Variants in VCAN observed in about 807,000 individuals in gnomAD.
VCAN encodes versican core protein.
Under a neutral mutation model 245.5 loss-of-function variants are expected in VCAN, and 44 were observed. The ratio of observed to expected loss-of-function variants is 0.18; its 90% CI spans 0.14 to 0.23. The LOEUF (loss-of-function observed/expected upper bound fraction) is 0.23. VCAN is among the 10% of genes least tolerant of loss of function. The pLI is 1.00. For missense variants in VCAN, 3,793 were observed against 4,057.9 expected (o/e 0.93, Z 1.77); for synonymous variants, 1,413 against 1,437.0 (o/e 0.98, Z 0.38).
At chr5:83,500,091 A>G (rs899914603) in intron 5 of VCAN, among the ~76,000 whole-genome samples, 2 of 152,178 alleles carry the variant, frequency 1.3e-5, no homozygotes, top group Non-Finnish European at 2.9e-5. Context: ...TACAGTATGT[A>G]ATCTACAGAA....
intron 5 of VCAN, among the ~76,000 whole-genome samples, chr5:83,505,041 T>A (rs964247019): frequency 6.6e-5 from 10 of 152,134 alleles, no homozygotes; most frequent in African/African-American, 2.2e-4. Flanking sequence ...CATGATTCCA[T>A]TACCTCCCCC....
rs772576325 is a variant in VCAN, at chr5:83,521,988, G to A, written c.3682G>A (p.Ala1228Thr). Reference protein sequence around the residue: ...HTTSAFKPSSAITKKPPLIDR... With the variant: ...HTTSAFKPSSTITKKPPLIDR... ...AACTTCAGCATTCAAGCCATCTTCC[G>A]CGATCACTAAGAAACCACCTCTCAT... Residue 1228 changes from alanine (A) to threonine (T), a missense_variant, in exon 7 of 15, where the codon GCG becomes ACG. Ala to Thr is a moderately conservative substitution (Grantham distance 58). Transcript: ENST00000265077. 38 of 1,613,976 alleles carry A rather than the reference G, an allele frequency of 2.4e-5. No individual in the cohort carries two copies. The highest frequency in any genetic ancestry group is 1.1e-4 in the South Asian group (10 of 91,078).
At chr5:83,485,260 A>G (rs1732020482) in intron 2 of VCAN, among the ~76,000 whole-genome samples, 1 of 152,128 alleles carries the variant, frequency 6.6e-6, no homozygotes, top group African/African-American at 2.4e-5. Flanking sequence ...ATCTACATGG[A>G]ACACTGTAGG....
intron 5 of VCAN, among the ~76,000 whole-genome samples, chr5:83,509,852 T>C (rs998039241): frequency 6.6e-6 from 1 of 152,224 alleles, no homozygotes; most frequent in Admixed American, 6.5e-5. Context: ...TATTGTGAGA[T>C]AAAATGCCTG....
chr5:83,484,229 T>C (rs536879492), intron 2 of VCAN, among the ~76,000 whole-genome samples: 39 of 152,330 alleles, frequency 2.6e-4, no homozygotes, highest in Non-Finnish European at 5.0e-4. Flanking sequence ...CTCACACTTA[T>C]ATTATGCATC....
chr5:83,494,300 G>A (rs903058016), intron 5 of VCAN, among the ~76,000 whole-genome samples: 2 of 152,158 alleles, frequency 1.3e-5, no homozygotes, highest in Non-Finnish European at 2.9e-5. Context: ...GTGAATCCAA[G>A]TACTGATAAA....
In VCAN at chr5:83,539,572, T is replaced by C; in HGVS notation, c.6569T>C (p.Leu2190Ser). The C allele has an allele frequency of 6.2e-7, 1 of 1,614,102 alleles. No homozygotes were observed. The highest frequency in any genetic ancestry group is 1.3e-5 in the African/African-American group (1 of 75,054). Residue 2190 changes from leucine (L) to serine (S), a missense_variant, in exon 8 of 15, where the codon TTG (leucine) becomes TCG (serine). Physicochemically the swap from Leu to Ser is moderately radical, Grantham distance 145. Around this residue, in one of 5 missense-constraint regions of VCAN, gnomAD observed 3,182 missense variants for 3,250.3 expected, o/e 0.98. Coordinates refer to ENST00000265077, the MANE Select transcript of VCAN (RefSeq NM_004385.5). ...ACTCCAGATCCAGATGCAAATGGCT[T>C]GGAATCTTACACAACTCTCCCTGAA... Reference protein sequence around the residue: ...MSTPDPDANGLESYTTLPEAT... With the variant: ...MSTPDPDANGSESYTTLPEAT...
intron 12 of VCAN, among the ~76,000 whole-genome samples, chr5:83,557,598 T>A (rs1324079605): frequency 6.6e-6 from 1 of 152,180 alleles, no homozygotes; most frequent in Non-Finnish European, 1.5e-5. Flanking sequence ...GTCCATTAAT[T>A]TTTAATGTAG....
At chr5:83,549,063 C>G (rs371945625) in intron 10 of VCAN, among the ~76,000 whole-genome samples, 259 of 152,080 alleles carry the variant, frequency 1.7e-3, no homozygotes, top group African/African-American at 5.9e-3. Context: ...AAAGATAGAC[C>G]AAGCAAGATC....
rs1341252663 is a variant in VCAN, at chr5:83,571,265, A to ATTT, written c.9736-1150_9736-1149insTTT. On this transcript the variant is annotated intron_variant, in intron 12 of 14. Coordinates refer to ENST00000265077, the MANE Select transcript of VCAN (RefSeq NM_004385.5). ...TATAGGCCAATATTATTTTCATCTT[A>ATTT]TCAAAGTTTGTTATTCTTGAATAGG... Among the ~76,000 whole-genome samples, 14 of 152,288 alleles carry ATTT rather than the reference A, an allele frequency of 9.2e-5. No homozygotes were observed. In the East Asian group the frequency reaches 2.3e-3, roughly 25 times the overall value.
intron 5 of VCAN, among the ~76,000 whole-genome samples, chr5:83,504,000 C>A (rs1745407615): frequency 6.6e-6 from 1 of 152,180 alleles, no homozygotes; most frequent in Admixed American, 6.5e-5. Context: ...TGCCAAGAAG[C>A]AGCTTTTCCA....
At chr5:83,571,406 T>C (rs1396806535) in intron 12 of VCAN, among the ~76,000 whole-genome samples, 1 of 152,164 alleles carries the variant, frequency 6.6e-6, no homozygotes, top group Non-Finnish European at 1.5e-5. Context: ...AAGGTCCAAA[T>C]AATTCCCTAT....
chr5:83,570,955 A>G (rs1748265510), intron 12 of VCAN, among the ~76,000 whole-genome samples: 1 of 152,088 alleles, frequency 6.6e-6, no homozygotes, highest in Middle Eastern at 3.2e-3. Context: ...CTCAAACCAT[A>G]AACTTATTTT....
rs374265946 is a variant in VCAN at position 83,537,490 on chromosome 5, G to T, written c.4487G>T (p.Gly1496Val). Reference protein sequence around the residue: ...YPETSEHFSGGEPDVFPTVPF... With the variant: ...YPETSEHFSGVEPDVFPTVPF... ...GAAACATCAGAACATTTTTCAGGTG[G>T]TGAGCCTGATGTTTTCCCCACAGTC... The change falls in exon 8 of 15, where the codon GGT (glycine) becomes GTT (valine). Residue 1496 changes from glycine to valine, a missense_variant. Gly to Val is a moderately radical substitution (Grantham distance 109). Coordinates refer to ENST00000265077, the MANE Select transcript of VCAN (RefSeq NM_004385.5). 1.2e-6 allele frequency: 2 copies of T among 1,613,910 alleles called. No homozygotes were observed. The highest frequency in any genetic ancestry group is 1.7e-6 in the Non-Finnish European group (2 of 1,179,940).
chr5:83,574,254 T>C (rs1391082008), intron 13 of VCAN, among the ~76,000 whole-genome samples: 1 of 152,156 alleles, frequency 6.6e-6, no homozygotes, highest in Non-Finnish European at 1.5e-5. Context: ...TAATCTTCTC[T>C]AGAAACACTC....
chr5:83,561,917 C>T (rs140386694), intron 12 of VCAN: 6 of 152,262 alleles, frequency 3.9e-5, no homozygotes, highest in Non-Finnish European at 8.8e-5. Flanking sequence ...AATTCCAGTG[C>T]TTTCTAAGCT....
rs1048632536 is a variant in VCAN, at chr5:83,539,853, T to C, written c.6850T>C (p.Tyr2284His). 4.3e-6 allele frequency: 7 copies of C among 1,613,942 alleles called. No individual in the cohort carries two copies. Among genetic ancestry groups the C allele is most frequent in the Non-Finnish European group, 5.9e-6 (7 of 1,180,010 alleles). The change falls in exon 8 of 15, where the codon TAT (tyrosine) becomes CAT (histidine). Residue 2284 changes from tyrosine to histidine, a missense_variant. Coordinates refer to ENST00000265077, the MANE Select transcript of VCAN (RefSeq NM_004385.5). ...TEVEQINNTLYPHTSQVESTS... is the reference protein window; with the variant it reads ...TEVEQINNTLHPHTSQVESTS... ...AGTGGAACAAATCAATAACACATTA[T>C]ATCCCCACACTTCTCAAGTGGAAAG...
chr5:83,483,463 C>T (rs908200410), intron 1 of VCAN, 50 bp from the exon 2 acceptor site: 7 of 1,508,332 alleles, frequency 4.6e-6, no homozygotes, highest in South Asian at 4.5e-5. Context: ...TTATGACCCA[C>T]TTTAAACCTG....
At chr5:83,479,677 T>C (rs1388466724) in intron 1 of VCAN, among the ~76,000 whole-genome samples, 1 of 152,178 alleles carries the variant, frequency 6.6e-6, no homozygotes, top group Non-Finnish European at 1.5e-5. Flanking sequence ...AAGAGGCTTC[T>C]GAAAGCTTTC....
Sources: gnomAD v4.1 joint callset for allele counts (sites outside exome capture counted in the v4.1 genomes callset) on GRCh38, gnomAD v4.1.1 for gene constraint, gnomAD v4.1.1 regional missense constraint, MANE v1.5 for transcripts, NCBI Gene and HGNC (gene_info 2026-07-23, HGNC 2026-07-21) for gene names.